CALU: variants seen among roughly 807,000 people sequenced by gnomAD.
CALU encodes the protein IEF SSP 9302.
A neutral mutation model predicts 37.5 loss-of-function variants in CALU; 13 were observed. The ratio of observed to expected loss-of-function variants is 0.35; its 90% confidence interval spans 0.23 to 0.55. The LOEUF is 0.55. Among genes scored for constraint, CALU ranks in the 20% least tolerant of loss-of-function variants. The probability of loss-of-function intolerance (pLI) is 0.89; values close to 1 mark genes in which losing one functional copy is unlikely to be tolerated. For synonymous variants in CALU, 114 were observed against 133.8 expected (o/e 0.85, Z 1.02); for missense variants, 282 against 391.7 (o/e 0.72, Z 2.36).
intron 1 of CALU, among the ~76,000 whole-genome samples, chr7:128,746,654 A>C (rs1800452279): frequency 6.6e-6 from 1 of 151,670 alleles, no homozygotes; most frequent in African/African-American, 2.4e-5. Flanking sequence ...GTGTTTCGCT[A>C]TCACCCAGGC....
chr7:128,760,777 A>G (rs542434239), intron 5 of CALU, among the ~76,000 whole-genome samples: 17 of 152,248 alleles, frequency 1.1e-4, no homozygotes, highest in African/African-American at 3.4e-4. Context: ...GTGTAGTGGC[A>G]GGCGCCTGTA....
At position 128,770,170 on chromosome 7, in the gene CALU, T is replaced by C. The variant is rs572934824; in HGVS notation, c.*1003T>C. On this transcript the variant is annotated 3_prime_UTR_variant, in exon 7 of 7. Transcript: ENST00000249364. The stretch of plus-strand genomic sequence containing the variant: ...TGCCTTTAACGAAAGAAATGGTCAC[T>C]GAATGGGAATTCTCTTAAGAAACCC... The C allele has an allele frequency of 2.7e-4, 42 of 152,762 alleles. No homozygotes were observed. The highest frequency in any genetic ancestry group is 9.9e-4 in the African/African-American group (41 of 41,578). 9.5% of individuals were successfully genotyped at this position (152,762 alleles called of 1,614,324 possible).
At chr7:128,748,400 CT>C in intron 1 of CALU, 172 bp from the exon 2 acceptor site, 1 of 1,440,290 alleles carries the variant, frequency 6.9e-7, no homozygotes, top group Non-Finnish European at 9.4e-7. Flanking sequence ...ATTGAAGAGT[CT>C]GATATTCCAC....
rs559195884 is a variant in CALU, at chr7:128,751,828, A to G, written c.222-2434A>G. Among the ~76,000 whole-genome samples, 222 of 152,274 alleles carry G rather than the reference A, an allele frequency of 1.5e-3. 5 individuals carry two copies. The South Asian group carries it at 0.044, about 30-fold the overall frequency. ...ATTTATTGATCCAAATTCTTAAACAACTGAAGGGTTTGCTTTATGCTCCTT... is the reference window on the plus strand; with the variant it reads ...ATTTATTGATCCAAATTCTTAAACAGCTGAAGGGTTTGCTTTATGCTCCTT... On this transcript the variant is annotated intron_variant, in intron 2 of 6. Transcript: ENST00000249364.
At chr7:128,740,678 T>C (rs1800204136) in intron 1 of CALU, among the ~76,000 whole-genome samples, 1 of 152,076 alleles carries the variant, frequency 6.6e-6, no homozygotes, top group Admixed American at 6.6e-5. Context: ...CCAATAGGAT[T>C]CTTTTGAGAA....
chr7:128,754,682 C>T (rs751020603), intron 3 of CALU: 129 of 1,552,046 alleles, frequency 8.3e-5, no homozygotes, highest in Admixed American at 7.1e-4. Context: ...GCTTAATCTC[C>T]TGGGATGAGT....
chr7:128,759,770 C>T, intron 4 of CALU, 22 bp from the exon 5 acceptor site: 1 of 1,159,228 alleles, frequency 8.6e-7, no homozygotes, highest in Non-Finnish European at 1.3e-6. Flanking sequence ...TTAATAGTCT[C>T]TTCTTATTCT....
At chr7:128,768,847 C>CAAAAAAAAAAAAAA (rs1012831963) in intron 6 of CALU, among the ~76,000 whole-genome samples, 4,951 of 54,846 alleles carry the variant, frequency 0.09, 822 homozygotes, top group Non-Finnish European at 0.12. Context: ...AACTCCGTCT[C>CAAAAAAAAAAAAAA]AAAAAAAAAA....
intron 1 of CALU, among the ~76,000 whole-genome samples, chr7:128,739,832 C>T (rs1800162201): frequency 1.3e-5 from 2 of 152,122 alleles, no homozygotes; most frequent in South Asian, 4.1e-4. Context: ...TTCCTTGCCG[C>T]CTCCACTCAC....
At chr7:128,741,486 T>G (rs188009434) in intron 1 of CALU, among the ~76,000 whole-genome samples, 99 of 152,294 alleles carry the variant, frequency 6.5e-4, no homozygotes, top group African/African-American at 2.3e-3. Context: ...AGGAGACAAC[T>G]TAAGGTAACC....
At chr7:128,759,098 C>A in intron 4 of CALU, 61 bp downstream of exon 4, 1 of 1,352,548 alleles carries the variant, frequency 7.4e-7, no homozygotes, top group Non-Finnish European at 1.0e-6. Context: ...CTTATTCTGT[C>A]TTTCCCCTTT....
At chr7:128,741,967 T>G (rs1426638919) in intron 1 of CALU, among the ~76,000 whole-genome samples, 1 of 152,128 alleles carries the variant, frequency 6.6e-6, no homozygotes, top group South Asian at 2.1e-4. Flanking sequence ...ATTCTCAGGG[T>G]TTTTCTTCTG....
intron 5 of CALU, among the ~76,000 whole-genome samples, chr7:128,762,028 T>C (rs1662375898): frequency 7.2e-6 from 1 of 139,774 alleles, no homozygotes; most frequent in South Asian, 2.5e-4. Flanking sequence ...ATAGGATGGA[T>C]GTTTTCCTAA....
intron 2 of CALU, among the ~76,000 whole-genome samples, chr7:128,749,836 C>T (rs1409292692): frequency 6.6e-6 from 1 of 152,182 alleles, no homozygotes; most frequent in Non-Finnish European, 1.5e-5. Context: ...GATAGATATG[C>T]ATCACAGAGT....
At chr7:128,746,356 C>G (rs1800436676) in intron 1 of CALU, among the ~76,000 whole-genome samples, 1 of 151,964 alleles carries the variant, frequency 6.6e-6, no homozygotes, top group Non-Finnish European at 1.5e-5. Context: ...CAGGGTTTCA[C>G]CGTATTTCCC....
At chr7:128,759,387 C>T (rs1375528005) in intron 4 of CALU, among the ~76,000 whole-genome samples, 1 of 152,138 alleles carries the variant, frequency 6.6e-6, no homozygotes, top group African/African-American at 2.4e-5. Flanking sequence ...AACAGTGATA[C>T]TAAAGAACTC....
intron 3 of CALU, among the ~76,000 whole-genome samples, chr7:128,757,911 GT>G (rs35878534): frequency 0.11 from 15,861 of 147,404 alleles, 1,492 homozygotes; most frequent in East Asian, 0.51. Context: ...TAATCTAAGG[GT>G]TTTTTTTTTT....
rs1801631142 is a variant in CALU at position 128,772,610 on chromosome 7, T to A, written c.*3443T>A. 1 of 1,614,172 alleles carries A rather than the reference T, an allele frequency of 6.2e-7. No individual in the cohort carries two copies. Among genetic ancestry groups the A allele is most frequent in the Non-Finnish European group, 8.5e-7 (1 of 1,180,012 alleles). On this transcript the variant is annotated 3_prime_UTR_variant, in exon 7 of 7. Coordinates refer to ENST00000249364, the MANE Select transcript of CALU (RefSeq NM_001219.5). ...TTTCTGGGAGCTGCATGTGTCGGATTCATCTGTCATGGCCTTCCCACACAC... is the reference window on the plus strand; with the variant it reads ...TTTCTGGGAGCTGCATGTGTCGGATACATCTGTCATGGCCTTCCCACACAC...
At chr7:128,762,495 T>C (rs1801159530) in intron 5 of CALU, among the ~76,000 whole-genome samples, 1 of 151,146 alleles carries the variant, frequency 6.6e-6, no homozygotes, top group Non-Finnish European at 1.5e-5. Context: ...TTGAAGGAGA[T>C]CATGAAGAAA....
Sources: allele counts gnomAD v4.1 joint callset (sites outside exome capture counted in the v4.1 genomes callset), GRCh38; gene constraint gnomAD v4.1.1; transcripts MANE v1.5; gene names NCBI Gene and HGNC (gene_info 2026-07-23, HGNC 2026-07-21).